The following THSD7B variants were observed in gnomAD, a reference collection of about 807,000 sequenced individuals.
THSD7B encodes thrombospondin type-1 domain-containing protein 7B.
In THSD7B, 138 loss-of-function variants were observed where a neutral mutation model predicts 213.6. The ratio of observed to expected loss-of-function variants is 0.65; its 90% CI spans 0.56 to 0.74. The LOEUF (loss-of-function observed/expected upper bound fraction) is 0.74, where lower values mean the gene tolerates loss of function less well. Ranked by LOEUF, THSD7B falls within the 30% of genes least tolerant of loss-of-function variation. The pLI is 0.00. For missense variants in THSD7B, 1,931 were observed against 1,991.5 expected (o/e 0.97, Z 0.58); for synonymous variants, 742 against 687.0 (o/e 1.08, Z -1.25).
chr2:137,144,278 A>G (rs542798469), intron 5 of THSD7B, among the ~76,000 whole-genome samples: 28 of 152,198 alleles, frequency 1.8e-4, no homozygotes, highest in African/African-American at 5.3e-4. Context: ...AGTATATTTG[A>G]ATTTTAAGGC....
chr2:137,461,579 C>T (rs1010216179), intron 15 of THSD7B, among the ~76,000 whole-genome samples: 17 of 152,064 alleles, frequency 1.1e-4, no homozygotes, highest in African/African-American at 4.1e-4. Flanking sequence ...TGTCTCTTAT[C>T]TCCTTCCCTC....
chr2:137,358,942 T>A (rs997625377), intron 12 of THSD7B, among the ~76,000 whole-genome samples: 1 of 152,234 alleles, frequency 6.6e-6, no homozygotes, highest in Non-Finnish European at 1.5e-5. Context: ...TGCAGCTTTG[T>A]TAAAAGAAGG....
chr2:137,363,430 A>C (rs1573984704), intron 12 of THSD7B, among the ~76,000 whole-genome samples: 1 of 152,226 alleles, frequency 6.6e-6, no homozygotes, highest in Non-Finnish European at 1.5e-5. Context: ...ACCCTTCAAA[A>C]AAATCAATGA....
At chr2:137,584,452 G>C (rs540521398) in intron 17 of THSD7B, among the ~76,000 whole-genome samples, 3 of 152,300 alleles carry the variant, frequency 2.0e-5, no homozygotes, top group African/African-American at 4.8e-5. Context: ...TGCCCATTCA[G>C]TATGATATTG....
At chr2:137,615,619 G>T (rs1682369190) in intron 17 of THSD7B, among the ~76,000 whole-genome samples, 1 of 152,216 alleles carries the variant, frequency 6.6e-6, no homozygotes, top group Non-Finnish European at 1.5e-5. Flanking sequence ...GCAACAGCAT[G>T]CAGTTGTCCA....
intron 7 of THSD7B, among the ~76,000 whole-genome samples, chr2:137,213,797 C>A (rs1681174147): frequency 6.6e-6 from 1 of 152,192 alleles, no homozygotes; most frequent in South Asian, 2.1e-4. Flanking sequence ...TAGATAATGG[C>A]TACTGGGTCG....
At chr2:137,546,424 T>A (rs12327964) in intron 15 of THSD7B, among the ~76,000 whole-genome samples, 20 of 27,908 alleles carry the variant, frequency 7.2e-4, no homozygotes, top group African/African-American at 1.6e-3. Context: ...ATTATATATA[T>A]TATATATATA....
At chr2:137,550,056 C>T (rs1680816058) in intron 15 of THSD7B, among the ~76,000 whole-genome samples, 1 of 152,040 alleles carries the variant, frequency 6.6e-6, no homozygotes, top group Admixed American at 6.6e-5. Context: ...TACAGCATGG[C>T]AGTGGGAAGC....
intron 5 of THSD7B, among the ~76,000 whole-genome samples, chr2:137,134,411 A>G (rs1404301719): frequency 6.6e-6 from 1 of 152,168 alleles, no homozygotes; most frequent in East Asian, 1.9e-4. Flanking sequence ...GCCTTCGAGA[A>G]TTAAGATTCT....
chr2:137,324,794 G>A (rs1251214975), intron 12 of THSD7B, among the ~76,000 whole-genome samples: 1 of 152,156 alleles, frequency 6.6e-6, no homozygotes, highest in African/African-American at 2.4e-5. Flanking sequence ...TTCAAAGATA[G>A]GATCAAGAAG....
intron 1 of THSD7B, among the ~76,000 whole-genome samples, chr2:136,878,430 T>G (rs1351559011): frequency 6.6e-6 from 1 of 152,140 alleles, no homozygotes; most frequent in Non-Finnish European, 1.5e-5. Flanking sequence ...TGGGTATATA[T>G]CCAGTAATGG....
intron 15 of THSD7B, among the ~76,000 whole-genome samples, chr2:137,488,484 GC>G (rs1688526407): frequency 1.3e-5 from 2 of 152,046 alleles, no homozygotes; most frequent in South Asian, 2.1e-4. Flanking sequence ...TTTAAGATTG[GC>G]CCTACCTATA....
intron 12 of THSD7B, among the ~76,000 whole-genome samples, chr2:137,291,847 A>G (rs1284682079): frequency 6.6e-6 from 1 of 152,150 alleles, no homozygotes; most frequent in Non-Finnish European, 1.5e-5. Context: ...CACTCTATGA[A>G]TTTACATGAG....
intron 12 of THSD7B, among the ~76,000 whole-genome samples, chr2:137,392,429 C>T (rs548201550): frequency 4.6e-5 from 7 of 151,992 alleles, no homozygotes; most frequent in Non-Finnish European, 7.4e-5. Context: ...CTGGGTGTTC[C>T]GGTGTTGGGT....
chr2:137,044,313 T>C (rs1686931721), intron 2 of THSD7B, among the ~76,000 whole-genome samples: 1 of 152,228 alleles, frequency 6.6e-6, no homozygotes, highest in African/African-American at 2.4e-5. Flanking sequence ...CAGGAATTCT[T>C]TTTAAAATTA....
At chr2:137,283,301 TG>T (rs1234186924) in intron 12 of THSD7B, among the ~76,000 whole-genome samples, 3 of 152,214 alleles carry the variant, frequency 2.0e-5, no homozygotes, top group Non-Finnish European at 4.4e-5. Flanking sequence ...AAGGAGATTT[TG>T]GGCTGAGATG....
rs142366183 is a variant in THSD7B, at chr2:137,144,676, A to C, written c.1370-15537A>C. Among the ~76,000 whole-genome samples, 28 of 152,180 alleles carry C rather than the reference A, an allele frequency of 1.8e-4. No homozygotes were observed. In the East Asian group the frequency reaches 5.2e-3, roughly 28 times the overall value. On this transcript the variant is annotated intron_variant, in intron 5 of 27. Coordinates refer to ENST00000409968, the MANE Select transcript of THSD7B (RefSeq NM_001316349.2). The stretch of plus-strand genomic sequence containing the variant: ...ACACTAATAATGACTATCTGGTGGA[A>C]ATAGATGATCTAGACCTAACTACAG...
intron 5 of THSD7B, among the ~76,000 whole-genome samples, chr2:137,122,397 C>T (rs1163692280): frequency 1.3e-5 from 2 of 152,046 alleles, no homozygotes; most frequent in Non-Finnish European, 2.9e-5. Context: ...AAGCTTTTAC[C>T]TGGGCCTTAA....
Position 137,394,462 on chromosome 2 carries a change from T to A in THSD7B, c.2501-11151T>A, listed in dbSNP as rs1219236142. Reference sequence around the variant, plus strand: ...GTTTTTCTCAGGTTTGTCAAAGATCTGATAGTTGTAGATATGCGGCGTTAT... The same window carrying A: ...GTTTTTCTCAGGTTTGTCAAAGATCAGATAGTTGTAGATATGCGGCGTTAT... On this transcript the variant is annotated intron_variant, in intron 12 of 27. Coordinates refer to ENST00000409968, the MANE Select transcript of THSD7B (RefSeq NM_001316349.2). Among the ~76,000 whole-genome samples the A allele has an allele frequency of 4.4e-5, 6 of 137,582 alleles. No homozygotes were observed. In the East Asian group the frequency reaches 6.0e-4, roughly 14 times the overall value. The allele number at this position is 137,582 out of a possible 152,430, so 90.3% of individuals were successfully genotyped here.
Sources: allele counts gnomAD v4.1 joint callset (sites outside exome capture counted in the v4.1 genomes callset), GRCh38; gene constraint gnomAD v4.1.1; transcripts MANE v1.5; gene names NCBI Gene and HGNC (gene_info 2026-07-23, HGNC 2026-07-21).